PLCG2: variants seen among roughly 807,000 people sequenced by gnomAD.
The protein encoded by PLCG2 is phospholipase C gamma 2.
Under a neutral mutation model 175.6 loss-of-function variants are expected in PLCG2, and 69 were observed. The ratio of observed to expected loss-of-function variants is 0.39; its 90% CI spans 0.32 to 0.48. PLCG2 has a LOEUF of 0.48. Among genes scored for constraint, PLCG2 ranks in the 20% least tolerant of loss-of-function variants. The probability of loss-of-function intolerance (pLI) is 0.91; values close to 1 mark genes in which losing one functional copy is unlikely to be tolerated. For synonymous variants in PLCG2, 827 were observed against 624.0 expected (o/e 1.33, Z -4.85); for missense variants, 1,798 against 1,650.9 (o/e 1.09, Z -1.54).
At chr16:81,827,073 G>T (rs1055749742) in intron 2 of PLCG2, among the ~76,000 whole-genome samples, 1 of 152,166 alleles carries the variant, frequency 6.6e-6, no homozygotes, top group Non-Finnish European at 1.5e-5. Flanking sequence ...ATTGTGCTGT[G>T]GCCTAGGGCT....
Position 81,895,938 on chromosome 16 carries a change from T to C in PLCG2, c.1193+11T>C. ...CTTTGTTACCTCGAGGTCAGTTGGC[T>C]GATTTCTGGGTGGTGTGACTTAAAG... On this transcript the variant is annotated intron_variant, in intron 13 of 32. Transcript: ENST00000564138. The C allele has an allele frequency of 6.2e-7, 1 of 1,613,988 alleles. No individual in the cohort carries two copies. Among genetic ancestry groups the C allele is most frequent in the Non-Finnish European group, 8.5e-7 (1 of 1,179,964 alleles).
chr16:81,808,988 A>G (rs1904295968), intron 2 of PLCG2, among the ~76,000 whole-genome samples: 1 of 152,200 alleles, frequency 6.6e-6, no homozygotes, highest in Non-Finnish European at 1.5e-5. Context: ...GGTGTCTACC[A>G]GGCATTGTCC....
intron 5 of PLCG2, among the ~76,000 whole-genome samples, chr16:81,863,883 G>A (rs1277014708): frequency 6.6e-6 from 1 of 152,182 alleles, no homozygotes; most frequent in Admixed American, 6.5e-5. Flanking sequence ...GTGGAAGGCA[G>A]GTGGGTGAGT....
chr16:81,753,979 G>A (rs200701329), intron 1 of PLCG2, among the ~76,000 whole-genome samples: 2 of 152,066 alleles, frequency 1.3e-5, no homozygotes, highest in East Asian at 3.9e-4. Context: ...GCCTGTGTGA[G>A]GCGCTGCCCT....
chr16:81,912,736 GC>G lies in PLCG2; in HGVS notation c.2054+21del, dbSNP rs1567529789. On this transcript the variant is annotated intron_variant, in intron 19 of 32. Transcript: ENST00000564138. ...CTTCAGGTGGGTGCGAGGGTGGGAG[GC>G]ACATGCTCTACAGAGGGGCTTGGCA... 8 of 1,580,462 alleles carry G rather than the reference GC, an allele frequency of 5.1e-6. No individual in the cohort carries two copies. Among genetic ancestry groups the G allele is most frequent in the Admixed American group, 1.8e-5 (1 of 56,388 alleles).
intron 2 of PLCG2, among the ~76,000 whole-genome samples, chr16:81,791,026 G>C (rs188650402): frequency 2.0e-5 from 3 of 152,142 alleles, no homozygotes; most frequent in Admixed American, 1.3e-4. Flanking sequence ...GGTAAAATAG[G>C]GTTTTGCTCT....
intron 20 of PLCG2, 64 bp downstream of exon 20, chr16:81,919,728 C>G: frequency 7.1e-7 from 1 of 1,403,774 alleles, no homozygotes; most frequent in South Asian, 1.2e-5. Context: ...CTCATCTGTT[C>G]ATGAATTCAG....
intron 5 of PLCG2, 189 bp downstream of exon 5, chr16:81,859,352 A>G (rs572100004): frequency 2.2e-5 from 12 of 543,500 alleles, no homozygotes; most frequent in African/African-American, 1.9e-4. Flanking sequence ...GGGAGCCTCT[A>G]TTCCGCAGAA....
At chr16:81,903,826 A>T (rs926287522) in intron 14 of PLCG2, among the ~76,000 whole-genome samples, 4 of 152,118 alleles carry the variant, frequency 2.6e-5, no homozygotes, top group African/African-American at 9.7e-5. Context: ...TAAGATGCAA[A>T]GTACTGAAGG....
At chr16:81,843,752 A>T (rs1905958326) in intron 2 of PLCG2, among the ~76,000 whole-genome samples, 1 of 152,206 alleles carries the variant, frequency 6.6e-6, no homozygotes, top group Non-Finnish European at 1.5e-5. Context: ...TAAAATACTA[A>T]AGATTCATTT....
intron 7 of PLCG2, among the ~76,000 whole-genome samples, chr16:81,880,028 C>A (rs1241008760): frequency 6.6e-6 from 1 of 152,148 alleles, no homozygotes; most frequent in Non-Finnish European, 1.5e-5. Flanking sequence ...TCTCTTGAGG[C>A]CAGGAGTTCA....
At chr16:81,955,113 C>G (rs1416965886) in intron 31 of PLCG2, among the ~76,000 whole-genome samples, 2 of 152,196 alleles carry the variant, frequency 1.3e-5, no homozygotes, top group Non-Finnish European at 2.9e-5. Context: ...CACTTAATCA[C>G]CAAGGACAGC....
chr16:81,878,822 G>A (rs1023953072), intron 7 of PLCG2, among the ~76,000 whole-genome samples: 1 of 152,150 alleles, frequency 6.6e-6, no homozygotes, highest in African/African-American at 2.4e-5. Context: ...CTCACTGTTG[G>A]TTCTCTTGCA....
chr16:81,769,375 G>T (rs1013305478), intron 2 of PLCG2, among the ~76,000 whole-genome samples: 1 of 152,174 alleles, frequency 6.6e-6, no homozygotes, highest in African/African-American at 2.4e-5. Context: ...GATAGCGGCG[G>T]GCGGCAGTTA....
chr16:81,791,475 G>T (rs1397383607), intron 2 of PLCG2, among the ~76,000 whole-genome samples: 1 of 152,148 alleles, frequency 6.6e-6, no homozygotes. Context: ...GAGGTCATTT[G>T]GTGTCACCTC....
chr16:81,847,540 A>T (rs985469058), intron 2 of PLCG2, among the ~76,000 whole-genome samples: 2 of 152,162 alleles, frequency 1.3e-5, no homozygotes, highest in African/African-American at 2.4e-5. Flanking sequence ...AAAGATACTT[A>T]TCACTGCAGA....
At chr16:81,892,777 C>T (rs1045451079) in intron 11 of PLCG2, among the ~76,000 whole-genome samples, 14 of 152,084 alleles carry the variant, frequency 9.2e-5, no homozygotes, top group African/African-American at 2.9e-4. Context: ...TACTTACTAC[C>T]CATTAGTTAT....
At chr16:81,765,952 G>C (rs1405046119) in intron 2 of PLCG2, among the ~76,000 whole-genome samples, 5 of 152,262 alleles carry the variant, frequency 3.3e-5, no homozygotes, top group Non-Finnish European at 7.3e-5. Flanking sequence ...CCAGGTAACA[G>C]ATGCAGGCAT....
chr16:81,936,724 A>G (rs1910730025), intron 27 of PLCG2, among the ~76,000 whole-genome samples: 1 of 152,190 alleles, frequency 6.6e-6, no homozygotes, highest in Admixed American at 6.5e-5. Context: ...TTCTGCTCAG[A>G]CTTTCTTCCA....
Sources: gnomAD v4.1 joint callset for allele counts (sites outside exome capture counted in the v4.1 genomes callset) on GRCh38, gnomAD v4.1.1 for gene constraint, MANE v1.5 for transcripts, NCBI Gene and HGNC (gene_info 2026-07-23, HGNC 2026-07-21) for gene names.